SPAG16: variants seen among roughly 807,000 people sequenced by gnomAD.
SPAG16 encodes the protein sperm associated antigen 16.
A neutral mutation model predicts 80.4 loss-of-function variants in SPAG16; 86 were observed. That is an observed-to-expected ratio of 1.07 (90% confidence interval 0.90 to 1.28). The LOEUF (loss-of-function observed/expected upper bound fraction) is 1.28. Among genes scored for constraint, SPAG16 ranks in the 50% most tolerant of loss-of-function variants. SPAG16 has a pLI of 0.00. For missense variants in SPAG16, 870 were observed against 765.3 expected, an observed-to-expected ratio of 1.14 and a Z score of -1.61; for synonymous variants, 294 against 265.9, an observed-to-expected ratio of 1.11 and a Z score of -1.03.
intron 10 of SPAG16, among the ~76,000 whole-genome samples, chr2:213,740,636 C>A (rs2067504528): frequency 1.3e-5 from 2 of 152,190 alleles, no homozygotes; most frequent in South Asian, 4.1e-4. Flanking sequence ...CCACAGACTT[C>A]TACTAGTTAT....
intron 10 of SPAG16, among the ~76,000 whole-genome samples, chr2:213,497,805 C>T (rs780243180): frequency 9.9e-5 from 15 of 152,072 alleles, no homozygotes; most frequent in South Asian, 2.1e-4. Context: ...TAAGACATTC[C>T]ATTTTTACAT....
chr2:213,709,561 C>A (rs2065895563), intron 10 of SPAG16, among the ~76,000 whole-genome samples: 1 of 151,816 alleles, frequency 6.6e-6, no homozygotes, highest in Non-Finnish European at 1.5e-5. Context: ...GTTAACTTGA[C>A]ACATACTACA....
At chr2:213,331,039 C>A (rs531081065) in intron 5 of SPAG16, among the ~76,000 whole-genome samples, 186 of 152,340 alleles carry the variant, frequency 1.2e-3, no homozygotes, top group South Asian at 4.8e-3. Flanking sequence ...TCTTCCCAGT[C>A]TCAAGTATGT....
intron 10 of SPAG16, among the ~76,000 whole-genome samples, chr2:213,493,683 C>A (rs1253399652): frequency 6.6e-6 from 1 of 152,188 alleles, no homozygotes; most frequent in Non-Finnish European, 1.5e-5. Flanking sequence ...TCAAGGGATT[C>A]TCCTGCCTCA....
intron 11 of SPAG16, among the ~76,000 whole-genome samples, chr2:213,918,472 C>T (rs2078066441): frequency 6.6e-6 from 1 of 152,094 alleles, no homozygotes; most frequent in Admixed American, 6.5e-5. Context: ...TGAATTATAG[C>T]TCCCATAATT....
intron 6 of SPAG16, among the ~76,000 whole-genome samples, chr2:213,342,373 GTAT>G (rs2064745948): frequency 6.9e-6 from 1 of 145,396 alleles, no homozygotes; most frequent in Admixed American, 6.9e-5. Context: ...ACATATATAT[GTAT>G]TATATATATA....
chr2:214,100,375 A>G (rs990259843), intron 13 of SPAG16, among the ~76,000 whole-genome samples: 8 of 152,118 alleles, frequency 5.3e-5, no homozygotes, highest in African/African-American at 1.9e-4. Context: ...CTGACATTTA[A>G]TTTATTTCAT....
At chr2:213,380,755 A>T (rs1462693649) in intron 9 of SPAG16, among the ~76,000 whole-genome samples, 1 of 152,158 alleles carries the variant, frequency 6.6e-6, no homozygotes, top group Non-Finnish European at 1.5e-5. Context: ...CTCCGCTGTG[A>T]TTCACCTATG....
chr2:213,349,919 C>CTGTA (rs2065230971), intron 6 of SPAG16, among the ~76,000 whole-genome samples: 1 of 152,054 alleles, frequency 6.6e-6, no homozygotes, highest in Non-Finnish European at 1.5e-5. Context: ...AAACTCTGAA[C>CTGTA]TGTAACGCTT....
At chr2:214,296,237 CT>C (rs1219513588) in intron 15 of SPAG16, among the ~76,000 whole-genome samples, 3 of 152,108 alleles carry the variant, frequency 2.0e-5, no homozygotes, top group Admixed American at 2.0e-4. Context: ...TAATTTCATT[CT>C]TTTTTATGGT....
chr2:214,050,379 T>A lies in SPAG16; in HGVS notation c.1527+36302T>A, dbSNP rs368187853. ...TCCTGAGTCAATTAAGCTGATTCTC[T>A]GAACACACTTTGAGAAACATTCATC... On this transcript the variant is annotated intron_variant, in intron 13 of 15. Transcript: ENST00000331683. 1.4e-4 allele frequency among the ~76,000 whole-genome samples: 22 copies of A among 152,272 alleles called. No individual in the cohort carries two copies. In the East Asian group the frequency reaches 4.1e-3, roughly 28 times the overall value.
At chr2:213,886,358 G>A (rs1167937722) in intron 11 of SPAG16, among the ~76,000 whole-genome samples, 1 of 152,090 alleles carries the variant, frequency 6.6e-6, no homozygotes, top group Non-Finnish European at 1.5e-5. Context: ...GGCCTGGGCA[G>A]GAGGAGAGTG....
chr2:214,093,082 T>G (rs2052332856), intron 13 of SPAG16, among the ~76,000 whole-genome samples: 1 of 152,116 alleles, frequency 6.6e-6, no homozygotes, highest in Admixed American at 6.6e-5. Context: ...ATTTAATAAC[T>G]CAAACTTTTA....
chr2:214,389,504 A>G (rs2126124690), intron 15 of SPAG16, among the ~76,000 whole-genome samples: 1 of 152,354 alleles, frequency 6.6e-6, no homozygotes, highest in East Asian at 1.9e-4. Flanking sequence ...GGCAGATATT[A>G]AAGAGCAGCA....
At chr2:213,790,790 G>A (rs768252854) in intron 10 of SPAG16, among the ~76,000 whole-genome samples, 1 of 152,008 alleles carries the variant, frequency 6.6e-6, no homozygotes, top group Non-Finnish European at 1.5e-5. Context: ...CCTGTATAAT[G>A]ATTTTGTCAT....
intron 11 of SPAG16, among the ~76,000 whole-genome samples, chr2:213,902,909 G>A (rs947517541): frequency 2.0e-5 from 3 of 152,126 alleles, no homozygotes; most frequent in African/African-American, 7.2e-5. Flanking sequence ...AAAACAAAGT[G>A]GTTATTGGGC....
intron 11 of SPAG16, among the ~76,000 whole-genome samples, chr2:213,871,106 T>G (rs1362949536): frequency 6.6e-6 from 1 of 152,122 alleles, no homozygotes; most frequent in East Asian, 1.9e-4. Context: ...GAAATCACTT[T>G]ATCAGAAGAA....
At chr2:213,509,724 T>C (rs913914675) in intron 10 of SPAG16, among the ~76,000 whole-genome samples, 2 of 152,000 alleles carry the variant, frequency 1.3e-5, no homozygotes, top group African/African-American at 4.8e-5. Context: ...ATGAAAGATC[T>C]AAAATTGACA....
intron 15 of SPAG16, among the ~76,000 whole-genome samples, chr2:214,258,207 C>A (rs181537531): frequency 3.6e-4 from 54 of 151,686 alleles, no homozygotes; most frequent in Non-Finnish European, 6.1e-4. Flanking sequence ...GCAATGTACA[C>A]TGTACCCAAT....
Sources: gnomAD v4.1 joint callset for allele counts (sites outside exome capture counted in the v4.1 genomes callset) on GRCh38, gnomAD v4.1.1 for gene constraint, MANE v1.5 for transcripts, NCBI Gene and HGNC (gene_info 2026-07-23, HGNC 2026-07-21) for gene names.